Variants in GAS2 observed in about 807,000 individuals in gnomAD.
The protein encoded by GAS2 is growth arrest specific 2.
Under a neutral mutation model 37.5 loss-of-function variants are expected in GAS2, and 20 were observed. The observed-to-expected ratio is 0.53, with a 90% CI of 0.37 to 0.77. The LOEUF (loss-of-function observed/expected upper bound fraction) is 0.77. Ranked by LOEUF, GAS2 falls within the 30% of genes least tolerant of loss-of-function variation. The pLI, the probability that GAS2 is intolerant of heterozygous loss-of-function variation, is 0.00. For missense variants in GAS2, 336 were observed against 373.4 expected (o/e 0.90, Z 0.82); for synonymous variants, 144 against 132.2 (o/e 1.09, Z -0.61).
chr11:22,709,993 C>G (rs934924672), intron 3 of GAS2, among the ~76,000 whole-genome samples: 4 of 134,462 alleles, frequency 3.0e-5, no homozygotes, highest in Non-Finnish European at 6.1e-5. Flanking sequence ...AGGGGAACAT[C>G]GCACTCTGGG....
At chr11:22,718,641 CT>C (rs1851802294) in intron 3 of GAS2, among the ~76,000 whole-genome samples, 1 of 151,814 alleles carries the variant, frequency 6.6e-6, no homozygotes, top group African/African-American at 2.4e-5. Context: ...GGAACACCAC[CT>C]GTTTCCCCAA....
At chr11:22,757,784 A>T (rs1408921386) in intron 7 of GAS2, among the ~76,000 whole-genome samples, 1 of 152,232 alleles carries the variant, frequency 6.6e-6, no homozygotes, top group East Asian at 1.9e-4. Flanking sequence ...TTGTCAAAAA[A>T]GGAAAACATT....
Position 22,755,919 on chromosome 11 carries a change from G to A in GAS2, c.689G>A (p.Arg230Lys). The change falls in exon 7 of 8, where the codon AGA becomes AAA. Residue 230 changes from arginine to lysine, a missense_variant. By Grantham distance (26) the Arg-to-Lys change is conservative. Transcript: ENST00000454584. ...KFCVERLSQG[R>K]YRVGEKILFI... ...TGTGTGGAGCGGCTCTCCCAAGGAA[G>A]ATACCGAGTGGGAGAAAAGATCCTC... 6.2e-7 allele frequency: 1 copy of A among 1,612,546 alleles called. No individual in the cohort carries two copies. Among genetic ancestry groups the A allele is most frequent in the Non-Finnish European group, 8.5e-7 (1 of 1,178,842 alleles).
At chr11:22,697,562 G>T (rs1046093711) in intron 3 of GAS2, among the ~76,000 whole-genome samples, 1 of 152,102 alleles carries the variant, frequency 6.6e-6, no homozygotes, top group African/African-American at 2.4e-5. Flanking sequence ...GATACTGATT[G>T]TTCCTACCCA....
intron 5 of GAS2, among the ~76,000 whole-genome samples, chr11:22,745,369 C>A (rs1053272070): frequency 1.2e-4 from 19 of 152,036 alleles, no homozygotes; most frequent in Non-Finnish European, 2.5e-4. Context: ...AGAAAGGACT[C>A]TCTTATTCAA....
chr11:22,692,108 T>G (rs1850272151), intron 3 of GAS2, among the ~76,000 whole-genome samples: 1 of 152,164 alleles, frequency 6.6e-6, no homozygotes, highest in Non-Finnish European at 1.5e-5. Flanking sequence ...ACTTTTATTT[T>G]TCAAATAAAA....
chr11:22,657,579 T>TA (rs1262300486), intron 1 of GAS2, among the ~76,000 whole-genome samples: 1 of 151,510 alleles, frequency 6.6e-6, no homozygotes, highest in East Asian at 1.9e-4. Context: ...ACACAGGAAG[T>TA]AAAAAAGAGC....
chr11:22,722,133 T>A (rs1448041989), intron 3 of GAS2, among the ~76,000 whole-genome samples: 1 of 151,884 alleles, frequency 6.6e-6, no homozygotes, highest in East Asian at 1.9e-4. Context: ...TAGAAACTAA[T>A]CTGAAAGGCA....
At chr11:22,697,170 A>G (rs1298721870) in intron 3 of GAS2, among the ~76,000 whole-genome samples, 1 of 152,190 alleles carries the variant, frequency 6.6e-6, no homozygotes. Flanking sequence ...ATGGCTAGCC[A>G]GTTTTCCCAG....
At chr11:22,749,803 G>A (rs1040371310) in intron 6 of GAS2, among the ~76,000 whole-genome samples, 1 of 151,964 alleles carries the variant, frequency 6.6e-6, no homozygotes, top group African/African-American at 2.4e-5. Flanking sequence ...CTTCAAGGTC[G>A]CTCTACTTAG....
intron 6 of GAS2, 42 bp from the exon 7 acceptor site, chr11:22,755,804 G>T (rs762196965): frequency 6.9e-7 from 1 of 1,440,204 alleles, no homozygotes; most frequent in East Asian, 2.3e-5. Context: ...CATAAATGCA[G>T]CCTAATTAAG....
chr11:22,703,138 G>A (rs970601411), intron 3 of GAS2, among the ~76,000 whole-genome samples: 1 of 152,096 alleles, frequency 6.6e-6, no homozygotes, highest in South Asian at 2.1e-4. Context: ...TTTCATCTAC[G>A]TGATTTCCTA....
chr11:22,646,341 T>C (rs1336149251), intron 1 of GAS2, among the ~76,000 whole-genome samples: 1 of 152,220 alleles, frequency 6.6e-6, no homozygotes. Flanking sequence ...TTGATGTCTT[T>C]ACAGTGTGCT....
At chr11:22,684,564 A>T (rs1849849269) in intron 2 of GAS2, among the ~76,000 whole-genome samples, 1 of 152,206 alleles carries the variant, frequency 6.6e-6, no homozygotes, top group Admixed American at 6.5e-5. Context: ...GGAAACAAAA[A>T]AAGGAAGGGG....
intron 1 of GAS2, among the ~76,000 whole-genome samples, chr11:22,630,348 T>G (rs906561038): frequency 2.6e-5 from 4 of 152,202 alleles, no homozygotes; most frequent in Non-Finnish European, 5.9e-5. Context: ...GTTTCCAGCT[T>G]CATCCGTGTC....
At chr11:22,809,119 A>G (rs974647784) in intron 7 of GAS2, among the ~76,000 whole-genome samples, 13 of 152,152 alleles carry the variant, frequency 8.5e-5, no homozygotes, top group African/African-American at 3.1e-4. Flanking sequence ...GTAAAACAAC[A>G]TGGTACTGTG....
chr11:22,801,639 A>C (rs949780953), intron 7 of GAS2, among the ~76,000 whole-genome samples: 1 of 152,128 alleles, frequency 6.6e-6, no homozygotes, highest in African/African-American at 2.4e-5. Flanking sequence ...TTTTTGAAAT[A>C]ACACAGCTCC....
intron 3 of GAS2, among the ~76,000 whole-genome samples, chr11:22,690,029 C>T (rs1450645810): frequency 6.6e-6 from 1 of 152,152 alleles, no homozygotes; most frequent in Non-Finnish European, 1.5e-5. Flanking sequence ...CCACAGGAAG[C>T]TCTCTGTAAT....
At chr11:22,751,674 C>A (rs549482184) in intron 6 of GAS2, among the ~76,000 whole-genome samples, 2 of 152,062 alleles carry the variant, frequency 1.3e-5, no homozygotes, top group East Asian at 3.9e-4. Flanking sequence ...TTTCTGTGAA[C>A]CTAGAAGTAG....
Sources: gnomAD v4.1 joint callset for allele counts (sites outside exome capture counted in the v4.1 genomes callset) on GRCh38, gnomAD v4.1.1 for gene constraint, MANE v1.5 for transcripts, NCBI Gene and HGNC (gene_info 2026-07-23, HGNC 2026-07-21) for gene names.